Variants in MPND observed in about 807,000 individuals in gnomAD.
MPND encodes the protein MPN domain containing, also known as MPN domain-containing protein.
MPND carries 56 observed loss-of-function variants against 59.2 expected under a neutral mutation model. The ratio of observed to expected loss-of-function variants is 0.95; its 90% CI spans 0.76 to 1.18. The LOEUF (loss-of-function observed/expected upper bound fraction) is 1.18, where lower values mean the gene tolerates loss of function less well. Among genes scored for constraint, MPND ranks in the 50% most tolerant of loss-of-function variants. The probability of loss-of-function intolerance (pLI) is 0.00; values close to 1 mark genes in which losing one functional copy is unlikely to be tolerated. For missense variants in MPND, 671 were observed against 676.0 expected, an observed-to-expected ratio of 0.99 and a Z score of 0.08; for synonymous variants, 323 against 291.9, an observed-to-expected ratio of 1.11 and a Z score of -1.09.
intron 6 of MPND, 159 bp downstream of exon 6, chr19:4,354,579 G>C: frequency 3.0e-6 from 2 of 662,728 alleles, no homozygotes; most frequent in Non-Finnish European, 5.1e-6. Flanking sequence ...ATGAAGGAGG[G>C]TGCGTGGCCA....
intron 4 of MPND, among the ~76,000 whole-genome samples, chr19:4,353,286 G>T (rs530623791): frequency 6.3e-4 from 96 of 151,972 alleles, no homozygotes; most frequent in Non-Finnish European, 1.2e-3. Flanking sequence ...TTATTTTTTG[G>T]TGATGGAGTC....
In MPND at chr19:4,354,374, TC is replaced by T. The variant is rs1972387453; in HGVS notation, c.802del (p.Gln268SerfsTer21). On this transcript the variant is annotated frameshift_variant, in exon 6 of 13. Transcript: ENST00000599840. LOFTEE classifies it high-confidence loss of function. ...EVTSFAAINK[F>X]QPFNVAVSSN... ...ACATCCTTTGCAGCCATCAACAAGT[TC>T]CAGCCGTTCAACGTGGCTGTTTCTA... The T allele has an allele frequency of 6.4e-7, 1 of 1,562,388 alleles. No individual in the cohort carries two copies.
At chr19:4,352,766 C>T (rs11668153) in intron 3 of MPND, 131 bp from the exon 4 acceptor site, 457,646 of 861,016 alleles carry the variant, frequency 0.53, 123,687 homozygotes, top group East Asian at 0.73. Context: ...TGCTCCCTCC[C>T]TCCCTCTAGT....
At chr19:4,345,194 C>T (rs555520199) in intron 2 of MPND, among the ~76,000 whole-genome samples, 1 of 149,566 alleles carries the variant, frequency 6.7e-6, no homozygotes, top group South Asian at 2.1e-4. Context: ...TTACAGGCAC[C>T]CGCCACCACG....
intron 3 of MPND, among the ~76,000 whole-genome samples, chr19:4,351,455 C>T (rs1057011676): frequency 1.3e-5 from 2 of 152,178 alleles, no homozygotes; most frequent in Non-Finnish European, 2.9e-5. Context: ...GGTGCTGGCT[C>T]GCTCAATGAA....
At chr19:4,347,898 T>TA (rs1306789001) in intron 3 of MPND, 1 of 83,604 alleles carries the variant, frequency 1.2e-5, no homozygotes, top group Non-Finnish European at 2.6e-5. Flanking sequence ...TTTTTTTTTG[T>TA]TTTTTTTTTT....
chr19:4,359,933 G>A lies in MPND; in HGVS notation c.1437G>A (p.Arg479=). 2 of 1,571,570 alleles carry A rather than the reference G, an allele frequency of 1.3e-6. No individual in the cohort carries two copies. Among genetic ancestry groups the A allele is most frequent in the Non-Finnish European group, 1.7e-6 (2 of 1,158,082 alleles). Residue 479 remains arginine (R), a synonymous_variant, in exon 13 of 13, where the codon AGG becomes AGA. Coordinates refer to ENST00000599840, the MANE Select transcript of MPND (RefSeq NM_001300862.2). ...CGTTTCAGATCTCCTTGGCCAGCAG[G>A]ACGCCCAAGGACCAGAGCCTGTGTC... ...LDKLKISLAS[R]TPKDQSLCHV... is the part of the protein sequence containing the mutation.
intron 3 of MPND, among the ~76,000 whole-genome samples, 200 bp from the exon 4 acceptor site, chr19:4,352,697 T>TAAAA (rs1972345509): frequency 7.1e-6 from 1 of 140,414 alleles, no homozygotes; most frequent in African/African-American, 2.8e-5. Flanking sequence ...AATAAATAAA[T>TAAAA]AAAAAATAAA....
chr19:4,349,880 G>A (rs1216043853), intron 3 of MPND, among the ~76,000 whole-genome samples: 11 of 152,198 alleles, frequency 7.2e-5, no homozygotes, highest in Non-Finnish European at 1.2e-4. Context: ...AAATGCCATC[G>A]CAGTAATGCC....
Position 4,345,838 on chromosome 19 carries a change from C to A in MPND, c.388C>A (p.His130Asn), listed in dbSNP as rs762305873. ...CAACTCACCCAGCGCCTGGGCCACCCACTGCAAGAAGCTGGTGAACCCTGC... is the reference window on the plus strand; with the variant it reads ...CAACTCACCCAGCGCCTGGGCCACCAACTGCAAGAAGCTGGTGAACCCTGC... ...TFNSPSAWATHCKKLVNPAKK... is the reference protein window; with the variant it reads ...TFNSPSAWATNCKKLVNPAKK... Residue 130 changes from histidine to asparagine, a missense_variant, in exon 3 of 13, where the codon CAC becomes AAC. Physicochemically the swap from His to Asn is moderately conservative, Grantham distance 68. Transcript: ENST00000599840. 1 of 1,614,084 alleles carries A rather than the reference C, an allele frequency of 6.2e-7. No homozygotes were observed. The highest frequency in any genetic ancestry group is 1.3e-5 in the African/African-American group (1 of 75,052).
chr19:4,354,535 T>C (rs960173945), intron 6 of MPND, 115 bp downstream of exon 6: 7 of 852,966 alleles, frequency 8.2e-6, no homozygotes, highest in Non-Finnish European at 1.1e-5. Context: ...CTGCTTTGTT[T>C]GCTACTGGTA....
chr19:4,344,001 A>C lies in MPND; in HGVS notation c.294+7A>C, dbSNP rs1407724769. ...GCTGTCCATCTACTACCTGGTGAGC[A>C]CCCCGCCTCCCTCGTCCCATCGCGG... On this transcript the variant is annotated splice_region_variant and intron_variant, in intron 2 of 12. Coordinates refer to ENST00000599840, the MANE Select transcript of MPND (RefSeq NM_001300862.2). 2.3e-6 allele frequency: 3 copies of C among 1,317,966 alleles called. No homozygotes were observed. Among genetic ancestry groups the C allele is most frequent in the Non-Finnish European group, 2.9e-6 (3 of 1,036,696 alleles). 81.6% of individuals were successfully genotyped at this position (1,317,966 alleles called of 1,614,324 possible). A position where few individuals can be genotyped will look rare whatever the true frequency, so the allele number is the denominator to read the frequency against.
Position 4,343,970 on chromosome 19 carries a change from C to T in MPND, c.270C>T (p.Ala90=). 12 of 1,383,900 alleles carry T rather than the reference C, an allele frequency of 8.7e-6. No homozygotes were observed. The highest frequency in any genetic ancestry group is 1.1e-5 in the Non-Finnish European group (12 of 1,068,088). The allele number at this position is 1,383,900 out of a possible 1,614,324, so 85.7% of individuals were successfully genotyped here. A position where few individuals can be genotyped will look rare whatever the true frequency, so the allele number is the denominator to read the frequency against. Reference sequence around the variant, plus strand: ...AAGACGCGCTGCTGGAGCCTGGCGCCGGGGTGCTGTCCATCTACTACCTGG... The same window carrying T: ...AAGACGCGCTGCTGGAGCCTGGCGCTGGGGTGCTGTCCATCTACTACCTGG... The part of the protein sequence containing the change: ...LLKDALLEPG[A]GVLSIYYLGK... Residue 90 remains alanine, a synonymous_variant, in exon 2 of 13, where the codon GCC becomes GCT. Coordinates refer to ENST00000599840, the MANE Select transcript of MPND (RefSeq NM_001300862.2).
chr19:4,359,456 G>A (rs569979331), intron 12 of MPND, among the ~76,000 whole-genome samples: 3 of 152,258 alleles, frequency 2.0e-5, no homozygotes, highest in East Asian at 3.9e-4. Flanking sequence ...TTTAAGCTCC[G>A]GCAGTGCCGG....
chr19:4,354,117 G>T lies in MPND; in HGVS notation c.737G>T (p.Arg246Leu), dbSNP rs775338862. ...GTCCGCTACTGCATGCTGGGCAGCC[G>T]CGACTTGGCCAGGTCAGACTCACCC... ...VPVRYCMLGS[R>L]DLARNPHTLV... Residue 246 changes from arginine to leucine, a missense_variant, in exon 5 of 13, where the codon CGC (arginine) becomes CTC (leucine). Physicochemically the swap from Arg to Leu is moderately radical, Grantham distance 102. Coordinates refer to ENST00000599840, the MANE Select transcript of MPND (RefSeq NM_001300862.2). 3 of 1,612,068 alleles carry T rather than the reference G, an allele frequency of 1.9e-6. No individual in the cohort carries two copies. The highest frequency in any genetic ancestry group is 1.7e-5 in the Admixed American group (1 of 59,968).
At position 4,355,091 on chromosome 19, in the gene MPND, C is replaced by G. The variant is rs771494799; in HGVS notation, c.920-6C>G. ...GTCACGGGGTCACAGCTGCCCCTCC[C>G]CACAGTGCTGACGGTGCTCAGAGCC... On this transcript the variant is annotated splice_polypyrimidine_tract_variant and splice_region_variant and intron_variant, in intron 7 of 12. Transcript: ENST00000599840. 1 of 1,613,972 alleles carries G rather than the reference C, an allele frequency of 6.2e-7. No individual in the cohort carries two copies. Among genetic ancestry groups the G allele is most frequent in the Admixed American group, 1.7e-5 (1 of 60,010 alleles).
chr19:4,345,114 C>A (rs1468163806), intron 2 of MPND, among the ~76,000 whole-genome samples: 1 of 129,990 alleles, frequency 7.7e-6, no homozygotes, highest in Non-Finnish European at 1.5e-5. Flanking sequence ...GTAGCATGAT[C>A]TCGGCTCACT....
chr19:4,343,832 C>T lies in MPND; in HGVS notation c.132C>T (p.Gly44=). ...NAGAGGGRSG[G]GGSSVSGGGG... is the part of the protein sequence containing the mutation. ...GAGCGGGCGGTGGACGCAGTGGCGG[C>T]GGCGGCAGTAGCGTCAGCGGAGGAG... The change falls in exon 2 of 13, where the codon GGC becomes GGT. Residue 44 remains glycine, a synonymous_variant. Transcript: ENST00000599840. The T allele has an allele frequency of 8.3e-7, 1 of 1,197,656 alleles. No homozygotes were observed. Among genetic ancestry groups the T allele is most frequent in the Non-Finnish European group, 1.0e-6 (1 of 967,578 alleles). 74.2% of individuals were successfully genotyped at this position (1,197,656 alleles called of 1,614,324 possible).
chr19:4,355,526 G>A (rs1003986216), intron 8 of MPND, among the ~76,000 whole-genome samples: 2 of 152,036 alleles, frequency 1.3e-5, no homozygotes, highest in African/African-American at 2.4e-5. Flanking sequence ...TAGTAGAGAC[G>A]GGGTTTCACC....
Sources: gnomAD v4.1 joint callset for allele counts (sites outside exome capture counted in the v4.1 genomes callset) on GRCh38, gnomAD v4.1.1 for gene constraint, MANE v1.5 for transcripts, NCBI Gene and HGNC (gene_info 2026-07-23, HGNC 2026-07-21) for gene names.